The following EYS variants were observed in gnomAD, a reference collection of about 807,000 sequenced individuals.
EYS encodes EGF-like photoreceptor maintenance factor.
Under a neutral mutation model 282.1 loss-of-function variants are expected in EYS, and 250 were observed. The observed-to-expected ratio is 0.89, with a 90% confidence interval of 0.80 to 0.98. The LOEUF is 0.98. EYS is among the 50% of genes least tolerant of loss of function. The pLI is 0.00. For missense variants in EYS, 4,016 were observed against 3,709.0 expected, an observed-to-expected ratio of 1.08 and a Z score of -2.15; for synonymous variants, 1,355 against 1,282.9, an observed-to-expected ratio of 1.06 and a Z score of -1.20.
chr6:65,519,708 A>ATATATT (rs1554205854), intron 2 of EYS, among the ~76,000 whole-genome samples: 3 of 42,562 alleles, frequency 7.0e-5, no homozygotes, highest in Non-Finnish European at 7.4e-5. Context: ...ATATATATAT[A>ATATATT]TTTTTTTTTT....
intron 16 of EYS, among the ~76,000 whole-genome samples, chr6:64,911,038 C>T (rs1366500694): frequency 2.0e-5 from 3 of 152,072 alleles, no homozygotes; most frequent in East Asian, 1.9e-4. Context: ...ATGTTTCTTA[C>T]ATTCTTAGAC....
At chr6:64,045,009 G>A (rs893644547) in intron 33 of EYS, among the ~76,000 whole-genome samples, 1 of 152,082 alleles carries the variant, frequency 6.6e-6, no homozygotes, top group African/African-American at 2.4e-5. Context: ...GGCATAAAAA[G>A]ATTGTCTCAT....
chr6:64,451,726 A>C (rs1220975345), intron 26 of EYS, among the ~76,000 whole-genome samples: 5 of 152,324 alleles, frequency 3.3e-5, no homozygotes, highest in African/African-American at 1.2e-4. Context: ...AATAAACGTA[A>C]TCCAGCATAT....
chr6:64,966,951 T>C (rs1259810182), intron 14 of EYS, among the ~76,000 whole-genome samples: 2 of 152,204 alleles, frequency 1.3e-5, no homozygotes, highest in African/African-American at 2.4e-5. Context: ...GCATTCTATA[T>C]ACAAAGGTAG....
chr6:64,288,399 A>G (rs997855956), intron 30 of EYS, among the ~76,000 whole-genome samples: 12 of 152,132 alleles, frequency 7.9e-5, no homozygotes, highest in African/African-American at 2.7e-4. Context: ...CCACTCATAT[A>G]TATGAATCAA....
intron 19 of EYS, among the ~76,000 whole-genome samples, chr6:64,834,789 G>A (rs1765332330): frequency 6.6e-6 from 1 of 151,680 alleles, no homozygotes; most frequent in South Asian, 2.1e-4. Context: ...GATAATCACA[G>A]GACTTTCTAT....
intron 22 of EYS, among the ~76,000 whole-genome samples, chr6:64,666,918 T>G (rs895182792): frequency 6.6e-6 from 1 of 152,212 alleles, no homozygotes; most frequent in Non-Finnish European, 1.5e-5. Context: ...TCTTTCATTT[T>G]CCTAGACTTT....
intron 33 of EYS, among the ~76,000 whole-genome samples, chr6:64,031,105 C>T (rs926728392): frequency 1.3e-5 from 2 of 152,232 alleles, no homozygotes; most frequent in Admixed American, 6.5e-5. Flanking sequence ...GAGCCCCTTT[C>T]TGGTCTGGCC....
chr6:65,581,163 T>C (rs1764855102), intron 2 of EYS, among the ~76,000 whole-genome samples: 1 of 152,118 alleles, frequency 6.6e-6, no homozygotes, highest in African/African-American at 2.4e-5. Context: ...GCAACTTTGC[T>C]GTGGGTCTAA....
chr6:65,700,037 C>A (rs1160781404), intron 1 of EYS, among the ~76,000 whole-genome samples: 2 of 144,264 alleles, frequency 1.4e-5, no homozygotes, highest in African/African-American at 5.2e-5. Flanking sequence ...ATGGCGTGAA[C>A]CCGGGAGGCA....
At position 64,197,332 on chromosome 6, in the gene EYS, CT is replaced by C. The variant is rs571252021; in HGVS notation, c.6424+33259del. Among the ~76,000 whole-genome samples, 444 of 152,212 alleles carry C rather than the reference CT, an allele frequency of 2.9e-3. 4 individuals carry two copies. Among genetic ancestry groups the C allele is most frequent in the African/African-American group, 0.01 (416 of 41,534 alleles). On this transcript the variant is annotated intron_variant, in intron 31 of 42. Coordinates refer to ENST00000503581, the MANE Select transcript of EYS (RefSeq NM_001142800.2). The stretch of plus-strand genomic sequence containing the variant: ...TTATACTTTTAGCCATGGGATTTCA[CT>C]TTTATCTGTAGATGGGTAAATCTAT...
intron 8 of EYS, among the ~76,000 whole-genome samples, chr6:65,376,687 A>G (rs1765379140): frequency 6.6e-6 from 1 of 152,188 alleles, no homozygotes; most frequent in East Asian, 1.9e-4. Context: ...ACTATTTACC[A>G]ACAAATGGAA....
chr6:65,153,566 A>G (rs1764667275), intron 12 of EYS, among the ~76,000 whole-genome samples: 1 of 151,738 alleles, frequency 6.6e-6, no homozygotes, highest in Admixed American at 6.6e-5. Flanking sequence ...TCTCTATTCT[A>G]GAGAAAATTT....
chr6:65,230,426 T>G (rs1766739031), intron 12 of EYS, among the ~76,000 whole-genome samples: 1 of 151,936 alleles, frequency 6.6e-6, no homozygotes, highest in African/African-American at 2.4e-5. Context: ...CAATTATTCA[T>G]GCATACAATT....
intron 5 of EYS, among the ~76,000 whole-genome samples, chr6:65,444,672 G>A (rs997255686): frequency 6.6e-6 from 1 of 151,918 alleles, no homozygotes; most frequent in East Asian, 1.9e-4. Flanking sequence ...GTCTACCTTA[G>A]GTCTTCTATG....
intron 14 of EYS, among the ~76,000 whole-genome samples, chr6:64,956,932 G>A (rs373445937): frequency 4.1e-4 from 62 of 152,188 alleles, no homozygotes; most frequent in African/African-American, 1.4e-3. Flanking sequence ...AACAAATGCC[G>A]GTGAAGATGT....
rs977710733 is a variant in EYS, at chr6:63,957,854, A to G, written c.7055+26529T>C. ...CAAAAAGTTCTGTTTTTAGTAAAGA[A>G]ACAAGGTCAGTTGAAGGCCATCATA... On this transcript the variant is annotated intron_variant, in intron 35 of 42. Coordinates refer to ENST00000503581, the MANE Select transcript of EYS (RefSeq NM_001142800.2). 2.8e-5 allele frequency among the ~76,000 whole-genome samples: 4 copies of G among 140,838 alleles called. 1 individual carries two copies. Among genetic ancestry groups the G allele is most frequent in the East Asian group, 2.0e-4 (1 of 4,924 alleles). The allele number at this position is 140,838 out of a possible 152,430, so 92.4% of individuals were successfully genotyped here.
chr6:64,309,534 G>A (rs926916773), intron 29 of EYS, among the ~76,000 whole-genome samples: 1 of 152,000 alleles, frequency 6.6e-6, no homozygotes, highest in African/African-American at 2.4e-5. Context: ...GTTCGGAATA[G>A]TTATTTAGCT....
Position 65,540,089 on chromosome 6 carries a change from A to T in EYS, c.-332-44096T>A, listed in dbSNP as rs79561261. Among the ~76,000 whole-genome samples, 803 of 152,322 alleles carry T rather than the reference A, an allele frequency of 5.3e-3. 22 individuals carry two copies. In the East Asian group the frequency reaches 0.08, roughly 15 times the overall value. On this transcript the variant is annotated intron_variant, in intron 2 of 42. Coordinates refer to ENST00000503581, the MANE Select transcript of EYS (RefSeq NM_001142800.2). ...AACACTTACATTTGTAGTAAAGGGG[A>T]ATCTTATTTTAGTTTTTAACAGAAT...
Sources: allele counts gnomAD v4.1 joint callset (sites outside exome capture counted in the v4.1 genomes callset), GRCh38; gene constraint gnomAD v4.1.1; transcripts MANE v1.5; gene names NCBI Gene and HGNC (gene_info 2026-07-23, HGNC 2026-07-21).